Variants in ROBO1 observed in about 807,000 individuals in gnomAD.
The protein encoded by ROBO1 is roundabout guidance receptor 1, also known as roundabout homolog 1.
ROBO1 carries 149 observed loss-of-function variants against 195.9 expected under a neutral mutation model. The ratio of observed to expected loss-of-function variants is 0.76; its 90% CI spans 0.67 to 0.87. The LOEUF (loss-of-function observed/expected upper bound fraction) is 0.87. ROBO1 is among the 40% of genes least tolerant of loss of function. The probability of loss-of-function intolerance (pLI) is 0.00; values close to 1 mark genes in which losing one functional copy is unlikely to be tolerated. For missense variants in ROBO1, 1,933 were observed against 2,068.3 expected, an observed-to-expected ratio of 0.93 and a Z score of 1.27; for synonymous variants, 816 against 733.2, an observed-to-expected ratio of 1.11 and a Z score of -1.82.
intron 2 of ROBO1, among the ~76,000 whole-genome samples, chr3:79,285,700 A>G (rs2031844337): frequency 6.6e-6 from 1 of 152,200 alleles, no homozygotes; most frequent in Non-Finnish European, 1.5e-5. Flanking sequence ...ATTGGGTAAT[A>G]TTTTGCAAAG....
intron 1 of ROBO1, among the ~76,000 whole-genome samples, chr3:79,619,132 C>T (rs1944922156): frequency 6.6e-6 from 1 of 152,126 alleles, no homozygotes; most frequent in Non-Finnish European, 1.5e-5. Flanking sequence ...CATTCACCCA[C>T]ATTCCATTGG....
chr3:78,655,070 C>T (rs924874169), intron 18 of ROBO1, among the ~76,000 whole-genome samples: 1 of 151,976 alleles, frequency 6.6e-6, no homozygotes, highest in Non-Finnish European at 1.5e-5. Flanking sequence ...TGAAACAAAC[C>T]AGGAGCTATT....
chr3:79,433,589 G>A (rs932388428), intron 2 of ROBO1, among the ~76,000 whole-genome samples: 6 of 151,966 alleles, frequency 3.9e-5, no homozygotes, highest in African/African-American at 1.4e-4. Context: ...ATGTTCATGG[G>A]TAGGAAGAAT....
chr3:78,678,468 T>C (rs1175224247), intron 10 of ROBO1, among the ~76,000 whole-genome samples: 2 of 151,848 alleles, frequency 1.3e-5, no homozygotes, highest in African/African-American at 2.4e-5. Context: ...ATCAAATGGA[T>C]GCAATAAAAA....
chr3:78,653,265 C>T (rs1706792329), intron 18 of ROBO1, among the ~76,000 whole-genome samples: 1 of 151,850 alleles, frequency 6.6e-6, no homozygotes, highest in African/African-American at 2.4e-5. Context: ...TCAATCCAGA[C>T]ATCTGCCTTA....
At chr3:79,403,059 A>G (rs553627442) in intron 2 of ROBO1, among the ~76,000 whole-genome samples, 1 of 152,030 alleles carries the variant, frequency 6.6e-6, no homozygotes, top group Non-Finnish European at 1.5e-5. Flanking sequence ...AAGTGTCTTC[A>G]AATTATCCAC....
At chr3:79,322,189 A>G (rs972855952) in intron 2 of ROBO1, among the ~76,000 whole-genome samples, 1 of 152,230 alleles carries the variant, frequency 6.6e-6, no homozygotes, top group Non-Finnish European at 1.5e-5. Context: ...CACAGGCCAT[A>G]CAAACCCCTT....
intron 2 of ROBO1, among the ~76,000 whole-genome samples, chr3:79,459,535 C>T (rs534295470): frequency 1.4e-5 from 2 of 142,934 alleles, no homozygotes; most frequent in South Asian, 2.4e-4. Flanking sequence ...TTGATTTTTT[C>T]CCCAATGACT....
At chr3:78,662,154 C>T (rs985237003) in intron 14 of ROBO1, 40 bp from the exon 15 acceptor site, 7 of 1,528,916 alleles carry the variant, frequency 4.6e-6, no homozygotes, top group South Asian at 2.4e-5. Flanking sequence ...GTCTGCACAA[C>T]GTTACTGAAC....
chr3:78,897,080 T>A (rs537262061), intron 4 of ROBO1, among the ~76,000 whole-genome samples: 3 of 152,202 alleles, frequency 2.0e-5, no homozygotes. Context: ...CATCTCTCTA[T>A]AGCTATGTTT....
chr3:79,600,913 T>G (rs2107865120), intron 1 of ROBO1, among the ~76,000 whole-genome samples: 1 of 152,122 alleles, frequency 6.6e-6, no homozygotes, highest in South Asian at 2.1e-4. Flanking sequence ...ATTTGACAAC[T>G]TACTATGCAC....
chr3:79,762,286 T>C (rs1259165294), intron 1 of ROBO1, among the ~76,000 whole-genome samples: 1 of 152,076 alleles, frequency 6.6e-6, no homozygotes, highest in African/African-American at 2.4e-5. Flanking sequence ...AGACCTCTTT[T>C]ATAAGGGCAC....
intron 1 of ROBO1, among the ~76,000 whole-genome samples, chr3:79,708,271 A>G (rs1702136520): frequency 6.6e-6 from 1 of 152,168 alleles, no homozygotes; most frequent in South Asian, 2.1e-4. Context: ...CAGACTGAGA[A>G]GATAACTATT....
At chr3:79,070,084 G>T (rs1459797319) in intron 3 of ROBO1, among the ~76,000 whole-genome samples, 1 of 151,512 alleles carries the variant, frequency 6.6e-6, no homozygotes, top group East Asian at 1.9e-4. Flanking sequence ...TTTAAAAGAT[G>T]TATATCTGAT....
intron 2 of ROBO1, among the ~76,000 whole-genome samples, chr3:79,514,203 C>T (rs907799418): frequency 1.4e-4 from 22 of 152,112 alleles, no homozygotes; most frequent in African/African-American, 4.8e-4. Context: ...AGAGAAAACT[C>T]AACTATTTGT....
At chr3:79,108,069 T>C (rs567919088) in intron 3 of ROBO1, among the ~76,000 whole-genome samples, 14 of 151,874 alleles carry the variant, frequency 9.2e-5, no homozygotes, top group Admixed American at 3.3e-4. Flanking sequence ...ATCACTAATG[T>C]TTTGCTTTTA....
intron 2 of ROBO1, among the ~76,000 whole-genome samples, chr3:79,244,211 T>C (rs891527965): frequency 1.8e-4 from 28 of 152,166 alleles, no homozygotes; most frequent in Non-Finnish European, 2.9e-5. Context: ...ATTGGTAATA[T>C]TGCATAACAA....
chr3:78,939,973 T>A, intron 3 of ROBO1, among the ~76,000 whole-genome samples: 1 of 152,260 alleles, frequency 6.6e-6, no homozygotes, highest in African/African-American at 2.4e-5. Flanking sequence ...TTTTTTCCAA[T>A]GAGATTATAA....
rs1379455582 is a variant in ROBO1, at chr3:78,633,994, G to A, written c.3422C>T (p.Ser1141Leu). The A allele has an allele frequency of 6.2e-7, 1 of 1,612,668 alleles. No homozygotes were observed. The highest frequency in any genetic ancestry group is 1.3e-5 in the African/African-American group (1 of 74,830). ...GGATCCTCCTGTGTTCTGGTCGTAT[G>A]ATTGGTTGTATGGGATAGTTGGAGG... ...TVPPTIPYNQ[S>L]YDQNTGGSYN... The change falls in exon 24 of 31, where the codon TCA becomes TTA. Residue 1141 changes from serine (S) to leucine (L), a missense_variant. Ser to Leu is a moderately radical substitution (Grantham distance 145). Transcript: ENST00000464233.
Sources: allele counts gnomAD v4.1 joint callset (sites outside exome capture counted in the v4.1 genomes callset), GRCh38; gene constraint gnomAD v4.1.1; transcripts MANE v1.5; gene names NCBI Gene and HGNC (gene_info 2026-07-23, HGNC 2026-07-21).